GRID1: variants seen among roughly 807,000 people sequenced by gnomAD.
The protein encoded by GRID1 is glutamate receptor ionotropic, delta-1.
A neutral mutation model predicts 98.0 loss-of-function variants in GRID1; 28 were observed. The observed-to-expected ratio is 0.29, with a 90% CI of 0.21 to 0.39. The LOEUF (loss-of-function observed/expected upper bound fraction) is 0.39, where lower values mean the gene tolerates loss of function less well. GRID1 is among the 10% of genes least tolerant of loss of function. The probability of loss-of-function intolerance (pLI) is 1.00; values close to 1 mark genes in which losing one functional copy is unlikely to be tolerated. For synonymous variants in GRID1, 553 were observed against 538.5 expected, an observed-to-expected ratio of 1.03 and a Z score of -0.37; for missense variants, 1,111 against 1,340.5, an observed-to-expected ratio of 0.83 and a Z score of 2.67.
Position 85,916,510 on chromosome 10 carries a change from AC to A in GRID1, c.727-272del, listed in dbSNP as rs1841622909. Among the ~76,000 whole-genome samples the A allele has an allele frequency of 6.6e-6, 1 of 152,188 alleles. No individual in the cohort carries two copies. Among genetic ancestry groups the A allele is most frequent in the Non-Finnish European group, 1.5e-5 (1 of 68,036 alleles). On this transcript the variant is annotated intron_variant, in intron 4 of 15. Coordinates refer to ENST00000327946, the MANE Select transcript of GRID1 (RefSeq NM_017551.3). This position sits in a 1 kb window ranked among gnomAD's most constrained non-coding sequence, Gnocchi z 4.0. ...GGGTTCCTGCAGGCAGCACAGGGTC[AC>A]AGGCACAGGCACAGGCACAGCCCCC...
chr10:86,105,814 C>T (rs761657981), intron 4 of GRID1, among the ~76,000 whole-genome samples: 2 of 152,168 alleles, frequency 1.3e-5, no homozygotes, highest in African/African-American at 2.4e-5. Flanking sequence ...GGGAAAAGCA[C>T]GGGCACTGTG....
At chr10:85,692,158 G>A (rs1165836994) in intron 12 of GRID1, among the ~76,000 whole-genome samples, 1 of 152,018 alleles carries the variant, frequency 6.6e-6, no homozygotes, top group Admixed American at 6.6e-5. Context: ...GGCTCTAGGA[G>A]ATCTGAGTCT....
intron 4 of GRID1, among the ~76,000 whole-genome samples, chr10:86,062,116 C>T (rs1264507507): frequency 1.3e-5 from 2 of 152,152 alleles, no homozygotes; most frequent in Non-Finnish European, 2.9e-5. Flanking sequence ...ATGGGGATAG[C>T]AACATTCTGG....
At chr10:86,225,172 A>G (rs1300456935) in intron 2 of GRID1, among the ~76,000 whole-genome samples, 1 of 152,076 alleles carries the variant, frequency 6.6e-6, no homozygotes, top group African/African-American at 2.4e-5. Flanking sequence ...AGGGGCTGAC[A>G]TTTCCCAGCC....
intron 15 of GRID1, 134 bp from the exon 16 acceptor site, chr10:85,602,835 G>T (rs769978053): frequency 6.3e-6 from 4 of 629,930 alleles, no homozygotes; most frequent in Non-Finnish European, 1.1e-5. Context: ...CTTTCATGTG[G>T]CTCCCACCTC....
intron 3 of GRID1, among the ~76,000 whole-genome samples, chr10:86,177,746 G>T (rs998170326): frequency 6.6e-6 from 1 of 151,636 alleles, no homozygotes; most frequent in Non-Finnish European, 1.5e-5. Flanking sequence ...GAGCGAGACA[G>T]TGTGTGCGTG....
chr10:85,961,578 T>C (rs1466758215), intron 4 of GRID1, among the ~76,000 whole-genome samples: 1 of 151,312 alleles, frequency 6.6e-6, no homozygotes, highest in Non-Finnish European at 1.5e-5. Context: ...TTTCCTTCCT[T>C]CCTTTTTACC....
At chr10:85,608,165 T>C (rs2664400) in intron 15 of GRID1, among the ~76,000 whole-genome samples, 12,322 of 152,192 alleles carry the variant, frequency 0.081, 639 homozygotes, top group Admixed American at 0.13. Flanking sequence ...AAATTCATCC[T>C]CCCCATACCA....
intron 8 of GRID1, among the ~76,000 whole-genome samples, chr10:85,834,683 A>C (rs1362305349): frequency 6.6e-6 from 1 of 152,196 alleles, no homozygotes; most frequent in Admixed American, 6.5e-5. Flanking sequence ...CACTTCACTC[A>C]AAGTGGCAAA....
intron 4 of GRID1, among the ~76,000 whole-genome samples, chr10:85,945,010 T>C (rs922619655): frequency 8.5e-5 from 13 of 152,168 alleles, no homozygotes; most frequent in Admixed American, 5.2e-4. Context: ...CAGCAGACTA[T>C]AGAAATAAAG....
intron 12 of GRID1, among the ~76,000 whole-genome samples, chr10:85,696,851 T>C (rs1841400519): frequency 6.6e-6 from 1 of 152,094 alleles, no homozygotes; most frequent in South Asian, 2.1e-4. Context: ...ATACTTTAGC[T>C]AAATATTTAT....
At chr10:85,941,702 T>A (rs906717087) in intron 4 of GRID1, among the ~76,000 whole-genome samples, 4 of 152,232 alleles carry the variant, frequency 2.6e-5, no homozygotes, top group African/African-American at 9.6e-5. Context: ...TCTAAATATA[T>A]ATGCACAAGG....
At chr10:85,992,272 C>A (rs1564644644) in intron 4 of GRID1, among the ~76,000 whole-genome samples, 1 of 152,136 alleles carries the variant, frequency 6.6e-6, no homozygotes, top group Non-Finnish European at 1.5e-5. Flanking sequence ...AAGACCAGCA[C>A]CCTGGCTTTG....
chr10:86,032,782 C>A (rs1843204814), intron 4 of GRID1, among the ~76,000 whole-genome samples: 1 of 147,674 alleles, frequency 6.8e-6, no homozygotes, highest in Admixed American at 6.8e-5. Flanking sequence ...TATGACCCTG[C>A]CAAATCCCCC....
intron 2 of GRID1, among the ~76,000 whole-genome samples, chr10:86,351,888 C>T (rs1848467434): frequency 6.6e-6 from 1 of 152,222 alleles, no homozygotes; most frequent in Admixed American, 6.5e-5. Context: ...TTCATTTGTT[C>T]CCGAAGTCAG....
intron 2 of GRID1, among the ~76,000 whole-genome samples, chr10:86,266,679 C>A (rs996468618): frequency 1.3e-5 from 2 of 152,366 alleles, no homozygotes; most frequent in South Asian, 2.1e-4. Context: ...TAAGAAAAGG[C>A]CCACTGGGCC....
At chr10:85,719,069 G>A (rs1001753829) in intron 12 of GRID1, among the ~76,000 whole-genome samples, 4 of 152,126 alleles carry the variant, frequency 2.6e-5, no homozygotes, top group Non-Finnish European at 5.9e-5. Flanking sequence ...AAATCTCTAG[G>A]GCAGGGGCGA....
intron 4 of GRID1, among the ~76,000 whole-genome samples, chr10:86,132,359 C>G (rs1172836042): frequency 6.6e-6 from 1 of 152,152 alleles, no homozygotes; most frequent in Non-Finnish European, 1.5e-5. Context: ...GAGTTCCAAG[C>G]CCATCTGAAC....
chr10:86,158,075 A>T (rs949283872), intron 3 of GRID1, among the ~76,000 whole-genome samples: 17 of 152,180 alleles, frequency 1.1e-4, no homozygotes, highest in African/African-American at 4.1e-4. Flanking sequence ...CCCCCAACGC[A>T]GTGCTTCTGC....
Sources: gnomAD v4.1 joint callset for allele counts (sites outside exome capture counted in the v4.1 genomes callset) on GRCh38, gnomAD v4.1.1 for gene constraint, Gnocchi (gnomAD v3.1) non-coding constraint, MANE v1.5 for transcripts, NCBI Gene and HGNC (gene_info 2026-07-23, HGNC 2026-07-21) for gene names.